The following CNTNAP2 variants were observed in gnomAD, a reference collection of about 807,000 sequenced individuals.
CNTNAP2 encodes contactin associated protein 2, also known as contactin-associated protein-like 2.
A neutral mutation model predicts 155.2 loss-of-function variants in CNTNAP2; 98 were observed. The observed-to-expected ratio is 0.63, with a 90% confidence interval of 0.54 to 0.75. The LOEUF is 0.75. Among genes scored for constraint, CNTNAP2 ranks in the 30% least tolerant of loss-of-function variants. The pLI is 0.00. For synonymous variants in CNTNAP2, 651 were observed against 631.2 expected, an observed-to-expected ratio of 1.03 and a Z score of -0.47; for missense variants, 1,727 against 1,688.1, an observed-to-expected ratio of 1.02 and a Z score of -0.40.
At chr7:147,613,757 C>T (rs992475965) in intron 12 of CNTNAP2, among the ~76,000 whole-genome samples, 1 of 152,070 alleles carries the variant, frequency 6.6e-6, no homozygotes, top group African/African-American at 2.4e-5. Context: ...ACAGGAGAAT[C>T]GCTTGAACCC....
chr7:147,383,096 A>G (rs1181510059), intron 9 of CNTNAP2, among the ~76,000 whole-genome samples: 2 of 150,684 alleles, frequency 1.3e-5, no homozygotes, highest in African/African-American at 5.0e-5. Flanking sequence ...CCTAGAAAAA[A>G]AGTGATACTT....
chr7:146,732,499 G>T (rs1010786617), intron 1 of CNTNAP2, among the ~76,000 whole-genome samples: 1 of 151,972 alleles, frequency 6.6e-6, no homozygotes, highest in South Asian at 2.1e-4. Context: ...TCATTTTTTT[G>T]TGTGTTGTAT....
chr7:147,259,715 C>G (rs1435596655), intron 8 of CNTNAP2, among the ~76,000 whole-genome samples: 1 of 152,120 alleles, frequency 6.6e-6, no homozygotes, highest in Non-Finnish European at 1.5e-5. Flanking sequence ...AAGTGAATCT[C>G]AAAGGTTGAG....
chr7:146,318,456 T>C (rs1800947331), intron 1 of CNTNAP2, among the ~76,000 whole-genome samples: 1 of 152,124 alleles, frequency 6.6e-6, no homozygotes, highest in Non-Finnish European at 1.5e-5. Context: ...CTTAAAAATT[T>C]AAAAAATGTC....
chr7:146,327,065 T>A (rs1292052203), intron 1 of CNTNAP2, among the ~76,000 whole-genome samples: 2 of 152,118 alleles, frequency 1.3e-5, no homozygotes, highest in Non-Finnish European at 2.9e-5. Flanking sequence ...AAATCTGACA[T>A]GGTAATAATA....
chr7:146,712,434 A>G lies in CNTNAP2; in HGVS notation c.98-61837A>G, dbSNP rs911900079. Among the ~76,000 whole-genome samples, 7 of 148,174 alleles carry G rather than the reference A, an allele frequency of 4.7e-5. No individual in the cohort carries two copies. In the Admixed American group the frequency reaches 4.8e-4, roughly 10 times the overall value. On this transcript the variant is annotated intron_variant, in intron 1 of 23. Coordinates refer to ENST00000361727, the MANE Select transcript of CNTNAP2 (RefSeq NM_014141.6). ...ACAGGAAATTGCTTGGTGCCAAAGC[A>G]CAGAAGAGGAAGATAATAATTTTGA...
chr7:147,656,104 C>T (rs1486368605), intron 13 of CNTNAP2, among the ~76,000 whole-genome samples: 2 of 152,238 alleles, frequency 1.3e-5, no homozygotes, highest in Non-Finnish European at 2.9e-5. Context: ...GCAGACTTCT[C>T]ACCTTTCTGA....
At chr7:146,630,290 A>C (rs941057776) in intron 1 of CNTNAP2, among the ~76,000 whole-genome samples, 2 of 152,098 alleles carry the variant, frequency 1.3e-5, no homozygotes, top group African/African-American at 4.8e-5. Flanking sequence ...AGCTTCATCC[A>C]TGTCCCTGCA....
chr7:146,210,542 G>C (rs572417028), intron 1 of CNTNAP2, among the ~76,000 whole-genome samples: 2 of 152,230 alleles, frequency 1.3e-5, no homozygotes, highest in South Asian at 4.1e-4. Flanking sequence ...GGCCTCAAGG[G>C]ATCTGCCTGC....
intron 13 of CNTNAP2, among the ~76,000 whole-genome samples, chr7:147,702,519 T>C (rs1796250934): frequency 6.6e-6 from 1 of 152,042 alleles, no homozygotes; most frequent in Admixed American, 6.6e-5. Flanking sequence ...TGGTCCTCAC[T>C]AGACTTCTTC....
chr7:147,031,504 A>T (rs1178474144), intron 3 of CNTNAP2, among the ~76,000 whole-genome samples: 1 of 152,238 alleles, frequency 6.6e-6, no homozygotes, highest in Non-Finnish European at 1.5e-5. Context: ...TAGACAATGA[A>T]ATAGTACACA....
chr7:146,608,795 G>T (rs1426112819), intron 1 of CNTNAP2, among the ~76,000 whole-genome samples: 1 of 151,402 alleles, frequency 6.6e-6, no homozygotes, highest in Non-Finnish European at 1.5e-5. Flanking sequence ...CATCTTTTTT[G>T]GGGGATGATC....
At chr7:147,802,344 CAG>C (rs1798013694) in intron 13 of CNTNAP2, among the ~76,000 whole-genome samples, 2 of 150,554 alleles carry the variant, frequency 1.3e-5, no homozygotes, top group African/African-American at 2.5e-5. Context: ...GGCGGCCAGG[CAG>C]AGACACTCCT....
At chr7:147,803,959 A>T (rs1162302888) in intron 13 of CNTNAP2, among the ~76,000 whole-genome samples, 2 of 152,230 alleles carry the variant, frequency 1.3e-5, no homozygotes, top group Non-Finnish European at 2.9e-5. Context: ...TGAAGAAAGA[A>T]TACGAATGTA....
At position 147,848,336 on chromosome 7, in the gene CNTNAP2, T is replaced by G. The variant is rs1289036212; in HGVS notation, c.2099-55229T>G. On this transcript the variant is annotated intron_variant, in intron 13 of 23. Transcript: ENST00000361727. ...TTAAGCCGGTCTGAAAAGTGCAATATTCGGGTGGGAGTGACCCGATTTTCC... is the reference window on the plus strand; with the variant it reads ...TTAAGCCGGTCTGAAAAGTGCAATAGTCGGGTGGGAGTGACCCGATTTTCC... Among the ~76,000 whole-genome samples, 14 of 150,498 alleles carry G rather than the reference T, an allele frequency of 9.3e-5. 1 individual carries two copies. In the Admixed American group the frequency reaches 9.5e-4, roughly 10 times the overall value.
chr7:146,367,262 G>A (rs529457942), intron 1 of CNTNAP2, among the ~76,000 whole-genome samples: 2 of 152,136 alleles, frequency 1.3e-5, no homozygotes, highest in South Asian at 2.1e-4. Flanking sequence ...ATACCATGGG[G>A]TAATTATTAT....
At chr7:146,910,998 C>T (rs1221590673) in intron 3 of CNTNAP2, among the ~76,000 whole-genome samples, 3 of 151,594 alleles carry the variant, frequency 2.0e-5, no homozygotes, top group Admixed American at 2.0e-4. Flanking sequence ...GGGCGAAGGA[C>T]ATGAACAGAC....
At chr7:146,277,401 G>A (rs1052030447) in intron 1 of CNTNAP2, among the ~76,000 whole-genome samples, 1 of 152,100 alleles carries the variant, frequency 6.6e-6, no homozygotes, top group East Asian at 1.9e-4. Flanking sequence ...ATGTTACATT[G>A]AACAAGGAAC....
chr7:146,628,272 T>C (rs1409012241), intron 1 of CNTNAP2, among the ~76,000 whole-genome samples: 3 of 152,142 alleles, frequency 2.0e-5, no homozygotes, highest in Non-Finnish European at 2.9e-5. Context: ...CAGTATCAGA[T>C]TGTCCCAACA....
Sources: allele counts gnomAD v4.1 joint callset (sites outside exome capture counted in the v4.1 genomes callset), GRCh38; gene constraint gnomAD v4.1.1; transcripts MANE v1.5; gene names NCBI Gene and HGNC (gene_info 2026-07-23, HGNC 2026-07-21).